EPB41L4A: variants seen among roughly 807,000 people sequenced by gnomAD.
The protein encoded by EPB41L4A is band 4.1-like protein 4A.
In EPB41L4A, 100 loss-of-function variants were observed where a neutral mutation model predicts 108.6. That is an observed-to-expected ratio of 0.92 (90% CI 0.78 to 1.09). The LOEUF is 1.09. EPB41L4A is among the 50% of genes least tolerant of loss of function. The pLI is 0.00. For synonymous variants in EPB41L4A, 319 were observed against 289.0 expected, an observed-to-expected ratio of 1.10 and a Z score of -1.05; for missense variants, 1,030 against 842.7, an observed-to-expected ratio of 1.22 and a Z score of -2.75.
chr5:112,317,887 T>C (rs1755531725), intron 1 of EPB41L4A, among the ~76,000 whole-genome samples: 1 of 152,218 alleles, frequency 6.6e-6, no homozygotes, highest in Non-Finnish European at 1.5e-5. Flanking sequence ...ATAACCCATA[T>C]GAACAAAAGT....
intron 1 of EPB41L4A, among the ~76,000 whole-genome samples, chr5:112,312,796 T>A (rs1273398831): frequency 6.6e-6 from 1 of 152,196 alleles, no homozygotes; most frequent in East Asian, 1.9e-4. Context: ...ATGGATAATT[T>A]CATTCTTCTT....
At chr5:112,296,808 C>T (rs768229221) in intron 2 of EPB41L4A, among the ~76,000 whole-genome samples, 1 of 151,998 alleles carries the variant, frequency 6.6e-6, no homozygotes, top group Non-Finnish European at 1.5e-5. Context: ...CATTCTTATG[C>T]CTTTGCATCC....
At chr5:112,294,616 T>G (rs1753874668) in intron 2 of EPB41L4A, among the ~76,000 whole-genome samples, 1 of 150,646 alleles carries the variant, frequency 6.6e-6, no homozygotes, top group African/African-American at 2.4e-5. Context: ...TAAACAAGAT[T>G]TAAACAAGGA....
At chr5:112,150,443 C>T (rs1414855056) in intron 12 of EPB41L4A, among the ~76,000 whole-genome samples, 1 of 151,770 alleles carries the variant, frequency 6.6e-6, no homozygotes, top group Non-Finnish European at 1.5e-5. Context: ...TCCTAAATTA[C>T]CTACATCTTT....
rs76458062 is a variant in EPB41L4A at position 112,204,921 on chromosome 5, C to A, written c.1263-433G>T. ...AAATATAGACTACTTAATTAAGTGGCCCAAATAAAGTAGCTAGGAAGTGGC... is the reference window on the plus strand; with the variant it reads ...AAATATAGACTACTTAATTAAGTGGACCAAATAAAGTAGCTAGGAAGTGGC... On this transcript the variant is annotated intron_variant, in intron 14 of 22. Transcript: ENST00000261486. Among the ~76,000 whole-genome samples the A allele has an allele frequency of 1.5e-3, 226 of 152,154 alleles. 1 individual carries two copies. The highest frequency in any genetic ancestry group is 5.3e-3 in the African/African-American group (221 of 41,494).
intron 9 of EPB41L4A, among the ~76,000 whole-genome samples, chr5:112,241,797 T>C (rs748305063): frequency 3.3e-5 from 5 of 152,202 alleles, no homozygotes; most frequent in Non-Finnish European, 2.9e-5. Context: ...GGAGATACTA[T>C]AGGTTCAGCT....
At chr5:112,400,390 TAAAGA>T (rs1254828716) in intron 1 of EPB41L4A, among the ~76,000 whole-genome samples, 2 of 151,984 alleles carry the variant, frequency 1.3e-5, no homozygotes. Flanking sequence ...GGGTCATTTA[TAAAGA>T]AAAGAGGTTG....
At chr5:112,223,031 C>A (rs576886177) in intron 12 of EPB41L4A, among the ~76,000 whole-genome samples, 9 of 152,026 alleles carry the variant, frequency 5.9e-5, no homozygotes, top group East Asian at 1.9e-4. Context: ...CTCTGCCTCC[C>A]GGGTTCAAGC....
At chr5:112,328,017 T>C (rs1209427265) in intron 1 of EPB41L4A, among the ~76,000 whole-genome samples, 2 of 152,132 alleles carry the variant, frequency 1.3e-5, no homozygotes, top group Non-Finnish European at 1.5e-5. Flanking sequence ...CTATAAAATA[T>C]TGGGGGAGAA....
intron 2 of EPB41L4A, among the ~76,000 whole-genome samples, chr5:112,286,292 C>T (rs55638951): frequency 0.18 from 26,791 of 152,086 alleles, 2,558 homozygotes; most frequent in East Asian, 0.35. Flanking sequence ...TCCAATTCCC[C>T]GCATTCTCCA....
downstream of EPB41L4A, among the ~76,000 whole-genome samples, chr5:112,141,997 G>A (rs942945301): frequency 6.6e-6 from 1 of 152,184 alleles, no homozygotes; most frequent in African/African-American, 2.4e-5. Context: ...GACATGAAAG[G>A]AGGATTTGAG....
chr5:112,309,781 C>G (rs1483113254), intron 1 of EPB41L4A, among the ~76,000 whole-genome samples: 1 of 152,146 alleles, frequency 6.6e-6, no homozygotes, highest in Non-Finnish European at 1.5e-5. Flanking sequence ...AAGGGAAAAG[C>G]AGGGGGAAAG....
At chr5:112,253,057 C>A (rs1439957750) in intron 9 of EPB41L4A, among the ~76,000 whole-genome samples, 1 of 152,106 alleles carries the variant, frequency 6.6e-6, no homozygotes, top group South Asian at 2.1e-4. Flanking sequence ...AGGCAAGAAT[C>A]CTCAATGAAT....
intron 12 of EPB41L4A, among the ~76,000 whole-genome samples, chr5:112,228,059 CAT>C (rs1484095907): frequency 6.6e-6 from 1 of 152,164 alleles, no homozygotes; most frequent in African/African-American, 2.4e-5. Context: ...GCTGCAGAAA[CAT>C]AGTGTGAGCC....
chr5:112,351,451 G>A (rs556846516), intron 1 of EPB41L4A, among the ~76,000 whole-genome samples: 159 of 152,208 alleles, frequency 1.0e-3, no homozygotes, highest in Non-Finnish European at 1.5e-3. Context: ...CTAATAACAA[G>A]TAATGAGATT....
intron 1 of EPB41L4A, among the ~76,000 whole-genome samples, chr5:112,348,578 CA>C (rs1458513334): frequency 1.3e-5 from 2 of 152,118 alleles, no homozygotes; most frequent in African/African-American, 4.8e-5. Context: ...CATAGGGAAG[CA>C]GGTGGGGGAG....
chr5:112,253,846 A>G (rs1750866546), intron 9 of EPB41L4A, among the ~76,000 whole-genome samples: 1 of 152,202 alleles, frequency 6.6e-6, no homozygotes, highest in Non-Finnish European at 1.5e-5. Context: ...AGTTGTTTTC[A>G]AATAAAAATA....
chr5:112,309,013 C>T (rs1407724994), intron 1 of EPB41L4A, among the ~76,000 whole-genome samples: 1 of 152,154 alleles, frequency 6.6e-6, no homozygotes, highest in African/African-American at 2.4e-5. Context: ...TAGGCATTCC[C>T]TAACCCAAAG....
intron 1 of EPB41L4A, among the ~76,000 whole-genome samples, chr5:112,373,925 C>T (rs1759646092): frequency 6.6e-6 from 1 of 152,148 alleles, no homozygotes; most frequent in Non-Finnish European, 1.5e-5. Flanking sequence ...TGGAATACTT[C>T]CAGAAAATCA....
Sources: gnomAD v4.1 joint callset for allele counts (sites outside exome capture counted in the v4.1 genomes callset) on GRCh38, gnomAD v4.1.1 for gene constraint, MANE v1.5 for transcripts, NCBI Gene and HGNC (gene_info 2026-07-23, HGNC 2026-07-21) for gene names.